The following ST3GAL2 variants were observed in gnomAD, a reference collection of about 807,000 sequenced individuals.
The protein encoded by ST3GAL2 is ST3 beta-galactoside alpha-2,3-sialyltransferase 2.
ST3GAL2 carries 16 observed loss-of-function variants against 37.5 expected under a neutral mutation model. The observed-to-expected ratio is 0.43, with a 90% CI of 0.29 to 0.65. ST3GAL2 has a LOEUF of 0.65. Among genes scored for constraint, ST3GAL2 ranks in the 30% least tolerant of loss-of-function variants. ST3GAL2 has a pLI of 0.17. For synonymous variants in ST3GAL2, 238 were observed against 202.9 expected, an observed-to-expected ratio of 1.17 and a Z score of -1.47; for missense variants, 383 against 487.8, an observed-to-expected ratio of 0.79 and a Z score of 2.02.
intron 1 of ST3GAL2, among the ~76,000 whole-genome samples, chr16:70,405,645 G>A (rs1247026188): frequency 1.3e-5 from 2 of 151,816 alleles, no homozygotes; most frequent in African/African-American, 4.8e-5. Context: ...AATCCATAGA[G>A]ACAGACAGTA....
chr16:70,429,312 G>C (rs1049579742), intron 1 of ST3GAL2, among the ~76,000 whole-genome samples: 1 of 152,170 alleles, frequency 6.6e-6, no homozygotes, highest in African/African-American at 2.4e-5. Context: ...GAATCCCTGA[G>C]GCCGGGTAAG....
intron 1 of ST3GAL2, among the ~76,000 whole-genome samples, chr16:70,438,466 C>T (rs1002429268): frequency 6.6e-6 from 1 of 152,070 alleles, no homozygotes; most frequent in African/African-American, 2.4e-5. Flanking sequence ...GGTTAGGGGG[C>T]AGTGCCAGGT....
At chr16:70,411,465 T>C (rs537368791) in intron 1 of ST3GAL2, among the ~76,000 whole-genome samples, 1 of 152,048 alleles carries the variant, frequency 6.6e-6, no homozygotes, top group Admixed American at 6.5e-5. Context: ...GCCTGGGATG[T>C]TACAGGGTGA....
At chr16:70,387,839 G>T (rs1333668841) in intron 4 of ST3GAL2, among the ~76,000 whole-genome samples, 1 of 152,104 alleles carries the variant, frequency 6.6e-6, no homozygotes. Context: ...GTCTGGCCGG[G>T]TGCGGTGGCT....
intron 1 of ST3GAL2, among the ~76,000 whole-genome samples, chr16:70,434,885 T>C (rs961299730): frequency 1.3e-5 from 2 of 152,194 alleles, no homozygotes; most frequent in Non-Finnish European, 2.9e-5. Context: ...GCCTTATAAA[T>C]GTTCCACTGA....
rs1360624635 is a variant in ST3GAL2, at chr16:70,400,678, A to C, written c.-1003-1145T>G. On this transcript the variant is annotated intron_variant, in intron 1 of 6. Transcript: ENST00000342907. The stretch of plus-strand genomic sequence containing the variant: ...ATTCTGGGTGAGAAATGATGTTCAC[A>C]AAAGTACAAGAACTTACCTAAGGTC... 2.6e-5 allele frequency: 4 copies of C among 152,286 alleles called. No individual in the cohort carries two copies. The East Asian group carries it at 5.8e-4, about 22-fold the overall frequency. 9.4% of individuals were successfully genotyped at this position (152,286 alleles called of 1,614,324 possible). A position where few individuals can be genotyped will look rare whatever the true frequency, so the allele number is the denominator to read the frequency against.
At chr16:70,416,938 A>G (rs116705848) in intron 1 of ST3GAL2, among the ~76,000 whole-genome samples, 195 of 152,284 alleles carry the variant, frequency 1.3e-3, no homozygotes, top group Non-Finnish European at 1.8e-3. Context: ...TAAGCACCGC[A>G]AGCTGCAGTC....
chr16:70,430,761 C>G (rs1478136833), intron 1 of ST3GAL2, among the ~76,000 whole-genome samples: 1 of 152,138 alleles, frequency 6.6e-6, no homozygotes, highest in Non-Finnish European at 1.5e-5. Flanking sequence ...TCACACTGCT[C>G]CCTAGAGCAC....
intron 1 of ST3GAL2, among the ~76,000 whole-genome samples, chr16:70,415,526 C>CTCTT (rs140194519): frequency 0.08 from 12,179 of 151,900 alleles, 1,620 homozygotes; most frequent in African/African-American, 0.28. Context: ...CAGGGTGTTT[C>CTCTT]TCTCTCTCTC....
At chr16:70,411,963 C>T (rs1213682830) in intron 1 of ST3GAL2, among the ~76,000 whole-genome samples, 1 of 151,020 alleles carries the variant, frequency 6.6e-6, no homozygotes, top group Non-Finnish European at 1.5e-5. Context: ...CATTGCACTC[C>T]AGCCTGGGCA....
intron 1 of ST3GAL2, among the ~76,000 whole-genome samples, chr16:70,405,540 TA>T (rs58998342): frequency 0.014 from 1,454 of 101,380 alleles, 24 homozygotes; most frequent in African/African-American, 0.049. Flanking sequence ...GACTCCGTCT[TA>T]AAAAAAAAAA....
At chr16:70,387,580 T>G (rs2047451745) in intron 4 of ST3GAL2, among the ~76,000 whole-genome samples, 1 of 151,898 alleles carries the variant, frequency 6.6e-6, no homozygotes, top group East Asian at 1.9e-4. Context: ...TAAAAAAAAT[T>G]AAAATTAATT....
rs1380304172 is a variant in ST3GAL2, at chr16:70,383,195, C to G, written c.754G>C (p.Glu252Gln). ...PVKSFLRVDKEKVQIYNPAFF... is the reference protein window; with the variant it reads ...PVKSFLRVDKQKVQIYNPAFF... ...GGAAGAAGTGGGGAGCTTACCTTTT[C>G]TTTATCCACTCGAAGGAAGGACTTC... Residue 252 changes from glutamate (E) to glutamine (Q), a missense_variant, in exon 5 of 7, where the codon GAA becomes CAA. Coordinates refer to ENST00000342907, the MANE Select transcript of ST3GAL2 (RefSeq NM_006927.4). 6.2e-7 allele frequency: 1 copy of G among 1,611,562 alleles called. No homozygotes were observed. The highest frequency in any genetic ancestry group is 2.2e-5 in the East Asian group (1 of 44,866).
At chr16:70,422,816 C>T (rs1285269565) in intron 1 of ST3GAL2, 2 of 152,262 alleles carry the variant, frequency 1.3e-5, no homozygotes, top group East Asian at 1.9e-4. Context: ...GCCCAAAGCA[C>T]GCTGCTAAGC....
intron 1 of ST3GAL2, among the ~76,000 whole-genome samples, chr16:70,431,857 G>T (rs567216031): frequency 6.6e-6 from 1 of 151,898 alleles, no homozygotes; most frequent in Non-Finnish European, 1.5e-5. Flanking sequence ...CCAGCTACTC[G>T]GGAGGCTGAG....
rs753672179 is a variant in ST3GAL2, at chr16:70,394,972, AG to A, written c.533+9del. 2 of 1,610,810 alleles carry A rather than the reference AG, an allele frequency of 1.2e-6. No homozygotes were observed. Among genetic ancestry groups the A allele is most frequent in the Non-Finnish European group, 1.7e-6 (2 of 1,178,950 alleles). On this transcript the variant is annotated intron_variant, in intron 3 of 6. Transcript: ENST00000342907. ...TCCTGAGCCCACCCTTGGGCTCCAC[AG>A]GGGCTCACCTCATGATGAAGTTGTG...
chr16:70,392,040 A>G lies in ST3GAL2; in HGVS notation c.533+2942T>C, dbSNP rs537823612. ...GACCCACCATCTGTCTTCTGCACTG[A>G]CTTGGCAGCCTGAGCTGTCATGAAG... On this transcript the variant is annotated intron_variant, in intron 3 of 6. Coordinates refer to ENST00000342907, the MANE Select transcript of ST3GAL2 (RefSeq NM_006927.4). 3.9e-5 allele frequency among the ~76,000 whole-genome samples: 6 copies of G among 152,272 alleles called. No homozygotes were observed. The East Asian group carries it at 1.2e-3, about 29-fold the overall frequency.
At chr16:70,394,128 CAG>C (rs2047499857) in intron 3 of ST3GAL2, among the ~76,000 whole-genome samples, 1 of 152,202 alleles carries the variant, frequency 6.6e-6, no homozygotes, top group Non-Finnish European at 1.5e-5. Flanking sequence ...GCCTTCATTG[CAG>C]AGTCTCGGTC....
rs1313652296 is a variant in ST3GAL2, at chr16:70,388,382, G to A, written c.698C>T (p.Thr233Met). 3.1e-6 allele frequency: 5 copies of A among 1,614,138 alleles called. No individual in the cohort carries two copies. Among genetic ancestry groups the A allele is most frequent in the Non-Finnish European group, 3.4e-6 (4 of 1,180,024 alleles). The change falls in exon 4 of 7, where the codon ACG (threonine) becomes ATG (methionine). Residue 233 changes from threonine to methionine, a missense_variant. By Grantham distance (81) the Thr-to-Met change is moderately conservative (BLOSUM62 -1). Around this residue, in one of 2 missense-constraint regions of ST3GAL2, gnomAD observed 160 missense variants for 248.6 expected, o/e 0.64. Coordinates refer to ENST00000342907, the MANE Select transcript of ST3GAL2 (RefSeq NM_006927.4). ...DLLWIASALS[T>M]GQIRFTYAPV... Reference sequence around the variant, plus strand: ...AGAAGCTCACAATCGGATCTGCCCCGTGGACAAGGCGCTGGCGATCCACAG... The same window carrying A: ...AGAAGCTCACAATCGGATCTGCCCCATGGACAAGGCGCTGGCGATCCACAG...
Sources: gnomAD v4.1 joint callset for allele counts (sites outside exome capture counted in the v4.1 genomes callset) on GRCh38, gnomAD v4.1.1 for gene constraint, gnomAD v4.1.1 regional missense constraint, MANE v1.5 for transcripts, NCBI Gene and HGNC (gene_info 2026-07-23, HGNC 2026-07-21) for gene names.